SLC5A4: variants seen among roughly 807,000 people sequenced by gnomAD.
SLC5A4 encodes solute carrier family 5 member 4, also known as probable glucose sensor protein SLC5A4.
A neutral mutation model predicts 70.3 loss-of-function variants in SLC5A4; 55 were observed. The observed-to-expected ratio is 0.78, with a 90% CI of 0.63 to 0.98. The LOEUF is 0.98. SLC5A4 is among the 50% of genes least tolerant of loss of function. SLC5A4 has a pLI of 0.00. For synonymous variants in SLC5A4, 268 were observed against 305.7 expected (o/e 0.88, Z 1.29); for missense variants, 735 against 839.2 (o/e 0.88, Z 1.53).
the SLC5A4 span, among the ~76,000 whole-genome samples, chr22:32,318,891 T>C: frequency 7.2e-5 from 11 of 152,210 alleles, no homozygotes; most frequent in Non-Finnish European, 1.6e-4. Flanking sequence ...TAGTGTCAAT[T>C]TGACTGGGCC....
At chr22:32,232,753 G>T in intron 9 of SLC5A4, 146 bp downstream of exon 9, 2 of 932,406 alleles carry the variant, frequency 2.1e-6, no homozygotes, top group South Asian at 2.0e-5. Context: ...TCCTGCCTTT[G>T]ACCACTGTGC....
the SLC5A4 span, among the ~76,000 whole-genome samples, chr22:32,337,507 C>G: frequency 6.6e-6 from 1 of 151,908 alleles, no homozygotes; most frequent in African/African-American, 2.4e-5. Flanking sequence ...GCACTCCAGC[C>G]TGGGCAACAG....
At chr22:32,267,174 G>A in the SLC5A4 span, among the ~76,000 whole-genome samples, 1 of 152,332 alleles carries the variant, frequency 6.6e-6, no homozygotes, top group Non-Finnish European at 1.5e-5. Flanking sequence ...CATATTAACT[G>A]TGAAAACCCT....
the SLC5A4 span, among the ~76,000 whole-genome samples, chr22:32,321,943 C>T: frequency 0.02 from 3,051 of 152,346 alleles, 45 homozygotes; most frequent in Non-Finnish European, 0.032. Context: ...AAATACTATA[C>T]ATGACAAGTG....
chr22:32,305,805 G>T, the SLC5A4 span, among the ~76,000 whole-genome samples: 1 of 151,576 alleles, frequency 6.6e-6, no homozygotes, highest in South Asian at 2.1e-4. Flanking sequence ...GGCCACTGAA[G>T]GCATGCCGTC....
the SLC5A4 span, among the ~76,000 whole-genome samples, chr22:32,301,842 C>CA: frequency 1.2e-3 from 182 of 147,896 alleles, no homozygotes; most frequent in East Asian, 6.8e-3. Context: ...ATTTAAAGTA[C>CA]AAAAAAAAAA....
upstream of SLC5A4, among the ~76,000 whole-genome samples, chr22:32,258,505 C>T (rs192237943): frequency 3.9e-4 from 60 of 152,064 alleles, no homozygotes; most frequent in Non-Finnish European, 6.8e-4. Context: ...CACTAATCGT[C>T]GGGAAAATGC....
chr22:32,309,407 T>C, the SLC5A4 span, among the ~76,000 whole-genome samples: 6 of 152,216 alleles, frequency 3.9e-5, no homozygotes, highest in African/African-American at 9.6e-5. Context: ...TACATGGTGA[T>C]GGACAGAAGC....
chr22:32,317,775 C>T, the SLC5A4 span, among the ~76,000 whole-genome samples: 98,647 of 152,108 alleles, frequency 0.65, 32,082 homozygotes, highest in South Asian at 0.73. Context: ...CCCAACTACT[C>T]GTTCTTTGAA....
chr22:32,233,198 C>G (rs1017281952), intron 8 of SLC5A4, among the ~76,000 whole-genome samples, 164 bp from the exon 9 acceptor site: 25 of 152,152 alleles, frequency 1.6e-4, no homozygotes, highest in African/African-American at 5.6e-4. Flanking sequence ...TTCACAATAG[C>G]CAACATGTGG....
At chr22:32,272,524 G>T in the SLC5A4 span, 2 of 674,776 alleles carry the variant, frequency 3.0e-6, no homozygotes, top group South Asian at 1.7e-5. Context: ...AGAGCAAGAC[G>T]CTGAGCCTCG....
the SLC5A4 span, chr22:32,269,488 C>G: frequency 1.8e-6 from 1 of 558,256 alleles, no homozygotes; most frequent in Non-Finnish European, 3.5e-6. This position sits in a 1 kb window ranked among gnomAD's most constrained non-coding sequence, Gnocchi z 4.1. Context: ...CCAACCAGAC[C>G]TGGCCCGGGC....
the SLC5A4 span, among the ~76,000 whole-genome samples, chr22:32,328,609 C>A: frequency 6.7e-6 from 1 of 149,678 alleles, no homozygotes; most frequent in Non-Finnish European, 1.5e-5. Context: ...CCCAGCAGTG[C>A]CTTGAGAATG....
chr22:32,281,125 C>T, the SLC5A4 span, among the ~76,000 whole-genome samples: 9 of 152,158 alleles, frequency 5.9e-5, no homozygotes, highest in African/African-American at 1.2e-4. Context: ...AACAAGAGCC[C>T]GTCTGTCCCT....
the SLC5A4 span, among the ~76,000 whole-genome samples, chr22:32,323,341 G>T: frequency 2.6e-5 from 4 of 152,198 alleles, no homozygotes; most frequent in East Asian, 7.7e-4. Context: ...TAAGTCAGGA[G>T]CCTGTATGTT....
At chr22:32,253,638 A>G (rs1281424201) in intron 2 of SLC5A4, among the ~76,000 whole-genome samples, 3 of 152,176 alleles carry the variant, frequency 2.0e-5, no homozygotes, top group East Asian at 1.9e-4. Flanking sequence ...GCCAGACTGA[A>G]CCGGCTGTCA....
At chr22:32,274,388 A>G in the SLC5A4 span, among the ~76,000 whole-genome samples, 1 of 152,210 alleles carries the variant, frequency 6.6e-6, no homozygotes. Flanking sequence ...ATACTGTTAC[A>G]GATATGATGA....
At chr22:32,326,602 G>A in the SLC5A4 span, among the ~76,000 whole-genome samples, 2 of 152,124 alleles carry the variant, frequency 1.3e-5, no homozygotes, top group Admixed American at 6.5e-5. Flanking sequence ...CTGAAAGGAG[G>A]AGATGCTATT....
chr22:32,311,503 G>C, the SLC5A4 span, among the ~76,000 whole-genome samples: 1 of 152,250 alleles, frequency 6.6e-6, no homozygotes, highest in Non-Finnish European at 1.5e-5. Context: ...CCCCGGGGCA[G>C]GAGTGGAGGT....
Sources: gnomAD v4.1 joint callset for allele counts (sites outside exome capture counted in the v4.1 genomes callset) on GRCh38, gnomAD v4.1.1 for gene constraint, Gnocchi (gnomAD v3.1) non-coding constraint, MANE v1.5 for transcripts, NCBI Gene and HGNC (gene_info 2026-07-23, HGNC 2026-07-21) for gene names.